The following NACC2 variants were observed in gnomAD, a reference collection of about 807,000 sequenced individuals.
The protein encoded by NACC2 is NACC family member 2.
A neutral mutation model predicts 25.1 loss-of-function variants in NACC2; 8 were observed. The ratio of observed to expected loss-of-function variants is 0.32; its 90% CI spans 0.19 to 0.57. The LOEUF (loss-of-function observed/expected upper bound fraction) is 0.57, where lower values mean the gene tolerates loss of function less well. NACC2 is among the 20% of genes least tolerant of loss of function. The pLI, the probability that NACC2 is intolerant of heterozygous loss-of-function variation, is 0.89. For missense variants in NACC2, 644 were observed against 650.2 expected, an observed-to-expected ratio of 0.99 and a Z score of 0.10; for synonymous variants, 435 against 294.7, an observed-to-expected ratio of 1.48 and a Z score of -4.88.
intron 1 of NACC2, among the ~76,000 whole-genome samples, chr9:136,054,385 G>A (rs1186359911): frequency 6.6e-6 from 1 of 152,232 alleles, no homozygotes; most frequent in Admixed American, 6.5e-5. Context: ...GCACCGGTGA[G>A]GCTGCAGCCC....
In NACC2 at chr9:136,086,585, A is replaced by C. The variant is rs187814467; in HGVS notation, c.-60+8604T>G. ...GCTCCACTGTGACCCACACGCTGTC[A>C]TTTCCAGGCCACTTCCTATGACATG... On this transcript the variant is annotated intron_variant, in intron 1 of 5. Coordinates refer to ENST00000277554, the MANE Select transcript of NACC2 (RefSeq NM_144653.5). The surrounding 1 kb of genome is among the most constrained non-coding windows in gnomAD (Gnocchi z 5.6). Among the ~76,000 whole-genome samples the C allele has an allele frequency of 1.2e-4, 18 of 152,276 alleles. 1 individual carries two copies. In the East Asian group the frequency reaches 2.5e-3, roughly 21 times the overall value.
At chr9:136,053,804 A>AG (rs1840884528) in intron 1 of NACC2, among the ~76,000 whole-genome samples, 1 of 152,210 alleles carries the variant, frequency 6.6e-6, no homozygotes, top group Non-Finnish European at 1.5e-5. Context: ...GTACCAAAAG[A>AG]GGGGACAGGC....
At chr9:136,030,889 C>T (rs1471474849) in intron 2 of NACC2, among the ~76,000 whole-genome samples, 3 of 152,018 alleles carry the variant, frequency 2.0e-5, no homozygotes, top group Non-Finnish European at 4.4e-5. Context: ...TCTTAAACTC[C>T]CAAGTTCAAG....
In NACC2 at chr9:136,013,155, C is replaced by T. The variant is rs767413634; in HGVS notation, c.1255+44G>A. ...AGTCCTCCTCAGGCTGGGATCTGAACCCAGCCCCGGCCCCACCCACCCGAG... is the reference window on the plus strand; with the variant it reads ...AGTCCTCCTCAGGCTGGGATCTGAATCCAGCCCCGGCCCCACCCACCCGAG... On this transcript the variant is annotated intron_variant, in intron 5 of 5. Transcript: ENST00000277554. The surrounding 1 kb of genome is among the most constrained non-coding windows in gnomAD (Gnocchi z 6.6). The T allele has an allele frequency of 1.4e-5, 14 of 967,420 alleles. No homozygotes were observed. In the Admixed American group the frequency reaches 2.4e-4, roughly 16 times the overall value. The allele number at this position is 967,420 out of a possible 1,614,324, so 59.9% of individuals were successfully genotyped here. A position where few individuals can be genotyped will look rare whatever the true frequency, so the allele number is the denominator to read the frequency against.
At chr9:136,015,947 C>T (rs1164286791) in intron 3 of NACC2, among the ~76,000 whole-genome samples, 4 of 152,212 alleles carry the variant, frequency 2.6e-5, no homozygotes, top group Admixed American at 2.6e-4. Context: ...AAGGCTGCAA[C>T]TGGACCCTCG....
intron 1 of NACC2, among the ~76,000 whole-genome samples, chr9:136,062,294 A>G (rs1795606761): frequency 6.6e-6 from 1 of 152,194 alleles, no homozygotes; most frequent in Non-Finnish European, 1.5e-5. Flanking sequence ...TCACTCGCTT[A>G]CCTAGGAGGA....
At chr9:136,017,065 G>A (rs1318723040) in intron 2 of NACC2, among the ~76,000 whole-genome samples, 4 of 152,076 alleles carry the variant, frequency 2.6e-5, no homozygotes, top group Admixed American at 2.6e-4. Context: ...GACTGTGCTG[G>A]CCTGACGAGG....
chr9:136,011,352 T>G lies in NACC2; in HGVS notation c.*164A>C. On this transcript the variant is annotated 3_prime_UTR_variant, in exon 6 of 6. Transcript: ENST00000277554. Reference sequence around the variant, plus strand: ...AATTGTTTACAGTATAATGAATGCATTTGTTTCCTTCATCAATTTTAAATA... The same window carrying G: ...AATTGTTTACAGTATAATGAATGCAGTTGTTTCCTTCATCAATTTTAAATA... 1 of 802,270 alleles carries G rather than the reference T, an allele frequency of 1.2e-6. No individual in the cohort carries two copies. Among genetic ancestry groups the G allele is most frequent in the Non-Finnish European group, 1.7e-6 (1 of 583,542 alleles). The allele number at this position is 802,270 out of a possible 1,614,324, so 49.7% of individuals were successfully genotyped here.
rs1344997487 is a variant in NACC2 at position 136,086,951 on chromosome 9, G to T, written c.-60+8238C>A. Among the ~76,000 whole-genome samples the T allele has an allele frequency of 2.6e-5, 4 of 152,224 alleles. No homozygotes were observed. The highest frequency in any genetic ancestry group is 5.9e-5 in the Non-Finnish European group (4 of 68,028). Reference sequence around the variant, plus strand: ...GCATCTACCTGACCCTTTGAATGCGGCCTTATTTGGAAACAGGGTCTTTAC... The same window carrying T: ...GCATCTACCTGACCCTTTGAATGCGTCCTTATTTGGAAACAGGGTCTTTAC... On this transcript the variant is annotated intron_variant, in intron 1 of 5. Coordinates refer to ENST00000277554, the MANE Select transcript of NACC2 (RefSeq NM_144653.5). The surrounding 1 kb of genome is among the most constrained non-coding windows in gnomAD (Gnocchi z 5.6).
chr9:136,037,299 T>C (rs1460131346), intron 2 of NACC2, among the ~76,000 whole-genome samples: 16 of 151,904 alleles, frequency 1.1e-4, no homozygotes, highest in Non-Finnish European at 2.1e-4. Flanking sequence ...TCTCGGCTCA[T>C]TGCAACCTCT....
intron 2 of NACC2, among the ~76,000 whole-genome samples, chr9:136,038,133 GA>G (rs1162714023): frequency 6.6e-6 from 1 of 152,202 alleles, no homozygotes; most frequent in Non-Finnish European, 1.5e-5. Context: ...CGGTGGCCGG[GA>G]GTCAGGGGAA....
At chr9:136,067,859 A>T (rs1841106058) in intron 1 of NACC2, among the ~76,000 whole-genome samples, 1 of 152,204 alleles carries the variant, frequency 6.6e-6, no homozygotes, top group Non-Finnish European at 1.5e-5. Flanking sequence ...AACCAAAGCC[A>T]GGTGGTACAG....
intron 1 of NACC2, among the ~76,000 whole-genome samples, chr9:136,091,252 C>A (rs1830431512): frequency 6.6e-6 from 1 of 152,218 alleles, no homozygotes; most frequent in African/African-American, 2.4e-5. Flanking sequence ...AAAGGCCGGG[C>A]TGCCCACATT....
At position 136,084,923 on chromosome 9, in the gene NACC2, T is replaced by TG. The variant is rs1486042710; in HGVS notation, c.-60+10265dup. On this transcript the variant is annotated intron_variant, in intron 1 of 5. Transcript: ENST00000277554. The surrounding 1 kb of genome is among the most constrained non-coding windows in gnomAD (Gnocchi z 5.1). The stretch of plus-strand genomic sequence containing the variant: ...AAGTAGAAAGGTGCCTGCCAGGGGC[T>TG]GGGGCAAGGATGGGGAGTTTGTGTC... Among the ~76,000 whole-genome samples the TG allele has an allele frequency of 6.6e-6, 1 of 151,990 alleles. No homozygotes were observed. The highest frequency in any genetic ancestry group is 2.4e-5 in the African/African-American group (1 of 41,356).
intron 1 of NACC2, among the ~76,000 whole-genome samples, chr9:136,058,554 A>G (rs898456672): frequency 6.6e-6 from 1 of 152,286 alleles, no homozygotes; most frequent in Non-Finnish European, 1.5e-5. Flanking sequence ...GGACATAAAC[A>G]TGGGAATGAC....
At position 136,049,070 on chromosome 9, in the gene NACC2, A is replaced by G. The variant is rs906731929; in HGVS notation, c.886+566T>C. Among the ~76,000 whole-genome samples the G allele has an allele frequency of 9.5e-3, 1,448 of 152,266 alleles. 7 individuals are homozygous for G. Among genetic ancestry groups the G allele is most frequent in the Middle Eastern group, 0.014 (4 of 294 alleles). Reference sequence around the variant, plus strand: ...CCAGAGGCTGTAACCAGGAATCTCCAATTAGGGCAACCTGGGTTTGTGGGG... The same window carrying G: ...CCAGAGGCTGTAACCAGGAATCTCCGATTAGGGCAACCTGGGTTTGTGGGG... On this transcript the variant is annotated intron_variant, in intron 2 of 5. Coordinates refer to ENST00000277554, the MANE Select transcript of NACC2 (RefSeq NM_144653.5).
chr9:136,049,162 G>A (rs906694448), intron 2 of NACC2, among the ~76,000 whole-genome samples: 1 of 152,258 alleles, frequency 6.6e-6, no homozygotes, highest in Admixed American at 6.5e-5. Flanking sequence ...CTGCTCACTC[G>A]GCTCAGCACA....
At chr9:136,050,700 G>C (rs964295415) in intron 1 of NACC2, 120 bp from the exon 2 acceptor site, 1 of 619,370 alleles carries the variant, frequency 1.6e-6, no homozygotes, top group South Asian at 1.8e-5. Flanking sequence ...TTCCGCACGC[G>C]CCCTCCCCCG....
At chr9:136,083,491 G>T (rs1036384013) in intron 1 of NACC2, among the ~76,000 whole-genome samples, 3 of 152,234 alleles carry the variant, frequency 2.0e-5, no homozygotes, top group Non-Finnish European at 2.9e-5. Flanking sequence ...TTGGAACTAG[G>T]GTCTTTGCAG....
Sources: gnomAD v4.1 joint callset for allele counts (sites outside exome capture counted in the v4.1 genomes callset) on GRCh38, gnomAD v4.1.1 for gene constraint, Gnocchi (gnomAD v3.1) non-coding constraint, MANE v1.5 for transcripts, NCBI Gene and HGNC (gene_info 2026-07-23, HGNC 2026-07-21) for gene names.